Variants in TCF7 observed in about 807,000 individuals in gnomAD.
The protein encoded by TCF7 is T-cell-factor-7.
Under a neutral mutation model 46.8 loss-of-function variants are expected in TCF7, and 19 were observed. That is an observed-to-expected ratio of 0.41 (90% CI 0.28 to 0.60). The LOEUF (loss-of-function observed/expected upper bound fraction) is 0.60, where lower values mean the gene tolerates loss of function less well. TCF7 is among the 20% of genes least tolerant of loss of function. The probability of loss-of-function intolerance (pLI) is 0.35; values close to 1 mark genes in which losing one functional copy is unlikely to be tolerated. For missense variants in TCF7, 547 were observed against 504.6 expected, an observed-to-expected ratio of 1.08 and a Z score of -0.81; for synonymous variants, 245 against 213.4, an observed-to-expected ratio of 1.15 and a Z score of -1.29.
upstream of TCF7, among the ~76,000 whole-genome samples, chr5:134,110,547 T>G (rs561200812): frequency 2.0e-5 from 3 of 152,346 alleles, no homozygotes; most frequent in East Asian, 5.8e-4. Context: ...ACCGTGTTTC[T>G]AGTAACAAAC....
Position 134,115,113 on chromosome 5 carries a change from G to A in TCF7, c.207G>A (p.Pro69=), listed in dbSNP as rs965165638. The change falls in exon 1 of 10, where the codon CCG becomes CCA. Residue 69 remains proline, a synonymous_variant. Transcript: ENST00000342854. ...SEGAAGGAGI[P]GVPGAGAGAR... ...GCGCGGCCGGCGGCGCAGGGATCCC[G>A]GGGGTCCCGGGGGCCGGCGCCGGGG... The A allele has an allele frequency of 3.4e-5, 35 of 1,024,032 alleles. No individual in the cohort carries two copies. Among genetic ancestry groups the A allele is most frequent in the Non-Finnish European group, 4.1e-5 (35 of 856,322 alleles). 63.4% of individuals were successfully genotyped at this position (1,024,032 alleles called of 1,614,324 possible). A position where few individuals can be genotyped will look rare whatever the true frequency, so the allele number is the denominator to read the frequency against.
chr5:134,129,277 C>T (rs988785157), intron 3 of TCF7, among the ~76,000 whole-genome samples: 6 of 152,240 alleles, frequency 3.9e-5, no homozygotes, highest in Non-Finnish European at 7.3e-5. Flanking sequence ...TCTAAATCTG[C>T]ACCTGGTATT....
At chr5:134,140,146 GA>G (rs1759517945) in intron 5 of TCF7, among the ~76,000 whole-genome samples, 1 of 152,190 alleles carries the variant, frequency 6.6e-6, no homozygotes, top group Admixed American at 6.5e-5. Context: ...TGGCTGTGAG[GA>G]AAGAAGTAGG....
At position 134,116,171 on chromosome 5, in the gene TCF7, G is replaced by C. The variant is rs893059669; in HGVS notation, c.441+138G>C. ...TGGTCTTTTCTCCCATACACACCCG[G>C]TGGGATCTGAACCAAAAGGAGAACT... On this transcript the variant is annotated intron_variant, in intron 3 of 9. Transcript: ENST00000342854. The C allele has an allele frequency of 2.1e-6, 3 of 1,426,518 alleles. No homozygotes were observed. In the Admixed American group the frequency reaches 8.9e-5, roughly 43 times the overall value. 88.4% of individuals were successfully genotyped at this position (1,426,518 alleles called of 1,614,324 possible). A position where few individuals can be genotyped will look rare whatever the true frequency, so the allele number is the denominator to read the frequency against.
Position 134,139,164 on chromosome 5 carries a change from G to A in TCF7, c.635+126G>A, listed in dbSNP as rs1035344479. ...GCTGCCAGCTCTGTTTAGATGCCAG[G>A]GGCTGGCCAGCAACTCTGTCCTAAC... On this transcript the variant is annotated intron_variant, in intron 5 of 9. Transcript: ENST00000342854. 14 of 1,429,672 alleles carry A rather than the reference G, an allele frequency of 9.8e-6. No homozygotes were observed. In the Admixed American group the frequency reaches 1.1e-4, roughly 12 times the overall value. 88.6% of individuals were successfully genotyped at this position (1,429,672 alleles called of 1,614,324 possible).
rs1482027490 is a variant in TCF7, at chr5:134,147,683, AAG to A, written c.*1381_*1382del. Reference sequence around the variant, plus strand: ...TGTTTTTTGCCTAAATCCAAAGAAAAAGGGCTGCCGGGCCAGGCGCGGTGGCT... The same window carrying A: ...TGTTTTTTGCCTAAATCCAAAGAAAAGGCTGCCGGGCCAGGCGCGGTGGCT... On this transcript the variant is annotated 3_prime_UTR_variant, in exon 10 of 10. Coordinates refer to ENST00000342854, the MANE Select transcript of TCF7 (RefSeq NM_003202.5). 1 of 152,488 alleles carries A rather than the reference AAG, an allele frequency of 6.6e-6. No individual in the cohort carries two copies. The highest frequency in any genetic ancestry group is 1.9e-4 in the East Asian group (1 of 5,190). The allele number at this position is 152,488 out of a possible 1,614,324, so 9.4% of individuals were successfully genotyped here.
upstream of TCF7, among the ~76,000 whole-genome samples, chr5:134,109,879 T>C (rs1323197536): frequency 6.6e-6 from 1 of 152,054 alleles, no homozygotes; most frequent in Non-Finnish European, 1.5e-5. Context: ...AAGCCAGTGT[T>C]GGGTCAGGGA....
At chr5:134,120,073 G>A (rs1248858184) in intron 3 of TCF7, among the ~76,000 whole-genome samples, 1 of 152,178 alleles carries the variant, frequency 6.6e-6, no homozygotes, top group Non-Finnish European at 1.5e-5. Flanking sequence ...GGGCAGAGCC[G>A]GCCCCAGCCC....
chr5:134,116,067 C>A, intron 3 of TCF7, 34 bp downstream of exon 3: 1 of 1,591,670 alleles, frequency 6.3e-7, no homozygotes. Context: ...CCGCCCTGTG[C>A]TTGCAGCCTC....
At position 134,134,145 on chromosome 5, in the gene TCF7, C is replaced by G. The variant is rs148214236; in HGVS notation, c.442-3914C>G. 4.2e-3 allele frequency among the ~76,000 whole-genome samples: 635 copies of G among 152,360 alleles called. 7 individuals carry two copies. Among genetic ancestry groups the G allele is most frequent in the African/African-American group, 0.014 (595 of 41,594 alleles). On this transcript the variant is annotated intron_variant, in intron 3 of 9. Coordinates refer to ENST00000342854, the MANE Select transcript of TCF7 (RefSeq NM_003202.5). Reference sequence around the variant, plus strand: ...AGGGGAAGGGTAGTTTACTGAGAACCTCACCATGGAGCCATGCTCTCACTA... The same window carrying G: ...AGGGGAAGGGTAGTTTACTGAGAACGTCACCATGGAGCCATGCTCTCACTA...
At chr5:134,122,559 G>A (rs1403601974) in intron 3 of TCF7, among the ~76,000 whole-genome samples, 1 of 152,200 alleles carries the variant, frequency 6.6e-6, no homozygotes, top group African/African-American at 2.4e-5. Context: ...AAGGAGGGAG[G>A]TTTAGCTGAG....
chr5:134,115,306 C>G lies in TCF7; in HGVS notation c.250-15C>G. 1.3e-6 allele frequency: 2 copies of G among 1,563,324 alleles called. No individual in the cohort carries two copies. The highest frequency in any genetic ancestry group is 1.7e-6 in the Non-Finnish European group (2 of 1,155,482). ...GGTCCCACCGCCCCTCACTCCCCTC[C>G]GGTTCTCCCTCCAGGCTCTCGGGCG... On this transcript the variant is annotated splice_polypyrimidine_tract_variant and intron_variant, in intron 1 of 9. Coordinates refer to ENST00000342854, the MANE Select transcript of TCF7 (RefSeq NM_003202.5).
upstream of TCF7, among the ~76,000 whole-genome samples, chr5:134,112,489 T>C (rs1755341419): frequency 6.6e-6 from 1 of 152,128 alleles, no homozygotes; most frequent in South Asian, 2.1e-4. Context: ...AGTCCCACTC[T>C]CCCTACTCAC....
In TCF7 at chr5:134,138,092, C is replaced by A. The variant is rs1348853330; in HGVS notation, c.475C>A (p.Gln159Lys). The A allele has an allele frequency of 6.2e-7, 1 of 1,611,576 alleles. No individual in the cohort carries two copies. The highest frequency in any genetic ancestry group is 8.5e-7 in the Non-Finnish European group (1 of 1,178,802). Residue 159 changes from glutamine to lysine, a missense_variant, in exon 4 of 10, where the codon CAA (glutamine) becomes AAA (lysine). Around this residue, in one of 3 missense-constraint regions of TCF7, gnomAD observed 425 missense variants for 349.9 expected, o/e 1.21. Transcript: ENST00000342854. ...KANQPPHGVPQLSLYEHFNSP... is the reference protein window; with the variant it reads ...KANQPPHGVPKLSLYEHFNSP... ...CAATCAGCCCCCCCACGGTGTCCCC[C>A]AACTCTCTCTCTACGAACATTTCAA... is the stretch of plus-strand genomic sequence containing the variant.
At chr5:134,118,781 T>C (rs1413902582) in intron 3 of TCF7, among the ~76,000 whole-genome samples, 1 of 152,026 alleles carries the variant, frequency 6.6e-6, no homozygotes, top group Non-Finnish European at 1.5e-5. Flanking sequence ...TGTTTTGTGT[T>C]TGTGTTTGTG....
intron 3 of TCF7, among the ~76,000 whole-genome samples, chr5:134,116,800 A>G (rs1023533330): frequency 6.6e-6 from 1 of 152,276 alleles, no homozygotes. Context: ...TTGGAGCAGT[A>G]CAGCTGCGCT....
At chr5:134,143,694 G>C in intron 9 of TCF7, 54 bp downstream of exon 9, 2 of 1,607,298 alleles carry the variant, frequency 1.2e-6, no homozygotes, top group South Asian at 2.2e-5. Flanking sequence ...CCCATTTCAA[G>C]AGCAGCCCTC....
chr5:134,120,116 CTG>C lies in TCF7; in HGVS notation c.441+4084_441+4085del, dbSNP rs1231481771. 3.3e-5 allele frequency among the ~76,000 whole-genome samples: 5 copies of C among 152,230 alleles called. No individual in the cohort carries two copies. The East Asian group carries it at 5.8e-4, about 18-fold the overall frequency. ...GAAGGGGGGCCCACTGAGGAGCACT[CTG>C]AAGGCCACAGGGTGTCCAACAGATG... On this transcript the variant is annotated intron_variant, in intron 3 of 9. Coordinates refer to ENST00000342854, the MANE Select transcript of TCF7 (RefSeq NM_003202.5).
In TCF7 at chr5:134,148,092, G is replaced by T. The variant is rs570814430; in HGVS notation, c.*1789G>T. On this transcript the variant is annotated 3_prime_UTR_variant, in exon 10 of 10. Transcript: ENST00000342854. The stretch of plus-strand genomic sequence containing the variant: ...GAATCCAAAGATCACATATTCTAGT[G>T]TAACACTGCAAGAAGTCTTGAGAAA... 1 of 151,988 alleles carries T rather than the reference G, an allele frequency of 6.6e-6. No individual in the cohort carries two copies. The highest frequency in any genetic ancestry group is 2.1e-4 in the South Asian group (1 of 4,790). 9.4% of individuals were successfully genotyped at this position (151,988 alleles called of 1,614,324 possible).
Sources: allele counts gnomAD v4.1 joint callset (sites outside exome capture counted in the v4.1 genomes callset), GRCh38; gene constraint gnomAD v4.1.1; regional missense constraint gnomAD v4.1.1; transcripts MANE v1.5; gene names NCBI Gene and HGNC (gene_info 2026-07-23, HGNC 2026-07-21).